The following MYO7B variants were observed in gnomAD, a reference collection of about 807,000 sequenced individuals.
MYO7B encodes unconventional myosin-VIIb.
In MYO7B, 212 loss-of-function variants were observed where a neutral mutation model predicts 259.7. The observed-to-expected ratio is 0.82, with a 90% confidence interval of 0.73 to 0.91. MYO7B has a LOEUF of 0.91. Among genes scored for constraint, MYO7B ranks in the 40% least tolerant of loss-of-function variants. MYO7B has a pLI of 0.00. For missense variants in MYO7B, 2,732 were observed against 2,813.5 expected, an observed-to-expected ratio of 0.97 and a Z score of 0.66; for synonymous variants, 1,197 against 1,166.4, an observed-to-expected ratio of 1.03 and a Z score of -0.54.
chr2:127,607,463 C>A lies in MYO7B; in HGVS notation c.2643+39C>A. On this transcript the variant is annotated intron_variant, in intron 21 of 47. Transcript: ENST00000409816. The surrounding 1 kb of genome is among the most constrained non-coding windows in gnomAD (Gnocchi z 4.4). Reference sequence around the variant, plus strand: ...TGGCCTCTTGGGCAGGTGGGGCTGGCTGGGGCCCCAGTGGGTGAGGGCAAG... The same window carrying A: ...TGGCCTCTTGGGCAGGTGGGGCTGGATGGGGCCCCAGTGGGTGAGGGCAAG... 1 of 1,536,736 alleles carries A rather than the reference C, an allele frequency of 6.5e-7. No homozygotes were observed. Among genetic ancestry groups the A allele is most frequent in the Non-Finnish European group, 8.8e-7 (1 of 1,136,752 alleles).
At chr2:127,583,909 C>T (rs537171247) in intron 12 of MYO7B, among the ~76,000 whole-genome samples, 4 of 152,206 alleles carry the variant, frequency 2.6e-5, no homozygotes, top group East Asian at 1.9e-4. Flanking sequence ...GTCTTTTTGA[C>T]GTGGGGTGGA....
chr2:127,632,547 C>G, intron 39 of MYO7B, 146 bp downstream of exon 39: 1 of 1,113,318 alleles, frequency 9.0e-7, no homozygotes, highest in Non-Finnish European at 1.2e-6. Flanking sequence ...GATTGGGCCC[C>G]GAGCTGCCAG....
chr2:127,544,305 C>T (rs911636550), intron 1 of MYO7B, among the ~76,000 whole-genome samples: 2 of 152,146 alleles, frequency 1.3e-5, no homozygotes, highest in African/African-American at 4.8e-5. Context: ...ATTTTTATTA[C>T]ATACTCATAT....
At chr2:127,592,662 G>A in intron 16 of MYO7B, 132 bp from the exon 17 acceptor site, 1 of 1,173,854 alleles carries the variant, frequency 8.5e-7, no homozygotes, top group East Asian at 2.6e-5. Flanking sequence ...GAGGACAGTG[G>A]GGGTGGGCGG....
chr2:127,588,788 T>G (rs1008549134), intron 15 of MYO7B, among the ~76,000 whole-genome samples: 32 of 18,496 alleles, frequency 1.7e-3, no homozygotes, highest in African/African-American at 2.3e-3. Context: ...GGGTGGTGGG[T>G]GGGTGGATGG....
In MYO7B at chr2:127,613,312, T is replaced by G. The variant is rs1264222242; in HGVS notation, c.3398+709T>G. 6.6e-6 allele frequency among the ~76,000 whole-genome samples: 1 copy of G among 152,224 alleles called. No homozygotes were observed. Among genetic ancestry groups the G allele is most frequent in the Non-Finnish European group, 1.5e-5 (1 of 68,044 alleles). On this transcript the variant is annotated intron_variant, in intron 26 of 47. Transcript: ENST00000409816. The surrounding 1 kb of genome is among the most constrained non-coding windows in gnomAD (Gnocchi z 4.3). Reference sequence around the variant, plus strand: ...TTAGATTGGATAGTTTCTATTGACCTGTCTTCAAATTTACTGATCTTTTGT... The same window carrying G: ...TTAGATTGGATAGTTTCTATTGACCGGTCTTCAAATTTACTGATCTTTTGT...
chr2:127,603,438 C>T (rs2105011882), intron 19 of MYO7B, among the ~76,000 whole-genome samples: 1 of 152,312 alleles, frequency 6.6e-6, no homozygotes, highest in African/African-American at 2.4e-5. Context: ...CATTAATCTC[C>T]TTGTATGTCT....
rs1679298069 is a variant in MYO7B at position 127,586,222 on chromosome 2, T to C, written c.1690+1309T>C. On this transcript the variant is annotated intron_variant, in intron 14 of 47. Transcript: ENST00000409816. This position sits in a 1 kb window ranked among gnomAD's most constrained non-coding sequence, Gnocchi z 4.8. ...AGGTCTTTGACCCATTTTGAGTTAATTTTGGGATATGTTGAGAGAGGATCG... is the reference window on the plus strand; with the variant it reads ...AGGTCTTTGACCCATTTTGAGTTAACTTTGGGATATGTTGAGAGAGGATCG... Among the ~76,000 whole-genome samples, 1 of 152,192 alleles carries C rather than the reference T, an allele frequency of 6.6e-6. No individual in the cohort carries two copies. Among genetic ancestry groups the C allele is most frequent in the Non-Finnish European group, 1.5e-5 (1 of 68,040 alleles).
At chr2:127,543,447 G>T (rs1375507301) in intron 1 of MYO7B, among the ~76,000 whole-genome samples, 1 of 152,184 alleles carries the variant, frequency 6.6e-6, no homozygotes, top group South Asian at 2.1e-4. Context: ...AGCATCTCAA[G>T]GTAGAAGAAT....
At position 127,637,338 on chromosome 2, in the gene MYO7B, T is replaced by G. The variant is rs1681905757; in HGVS notation, c.6350T>G (p.Leu2117Arg). The change falls in exon 48 of 48, where the codon CTG (leucine) becomes CGG (arginine). Residue 2117 changes from leucine to arginine, a missense_variant. Physicochemically the swap from Leu to Arg is moderately radical, Grantham distance 102. Coordinates refer to ENST00000409816, the MANE Select transcript of MYO7B (RefSeq NM_001393586.1). ...TSLGYKMDDL[L>R]TSYVQQLLSA... is the part of the protein sequence containing the mutation. ...CAGGGCTATAAGATGGATGACCTGC[T>G]GACCTCATATGTGCAGCAGCTCCTG... 2 of 1,592,182 alleles carry G rather than the reference T, an allele frequency of 1.3e-6. No individual in the cohort carries two copies. Among genetic ancestry groups the G allele is most frequent in the African/African-American group, 1.3e-5 (1 of 74,584 alleles).
At chr2:127,566,502 C>T in intron 4 of MYO7B, 141 bp from the exon 5 acceptor site, 1 of 754,798 alleles carries the variant, frequency 1.3e-6, no homozygotes. Context: ...CTCCCTGGCC[C>T]AGAATCAGAT....
rs1558858484 is a variant in MYO7B at position 127,636,679 on chromosome 2, G to A, written c.6207+51G>A. On this transcript the variant is annotated intron_variant, in intron 46 of 47. Transcript: ENST00000409816. This position sits in a 1 kb window ranked among gnomAD's most constrained non-coding sequence, Gnocchi z 4.5. Reference sequence around the variant, plus strand: ...TGGGGGCCACCAGGTCCAGGGACCTGTGCAGGTGGGGCTGCAGTCATCTCT... The same window carrying A: ...TGGGGGCCACCAGGTCCAGGGACCTATGCAGGTGGGGCTGCAGTCATCTCT... The A allele has an allele frequency of 2.6e-6, 4 of 1,558,724 alleles. No individual in the cohort carries two copies. The highest frequency in any genetic ancestry group is 1.1e-5 in the South Asian group (1 of 89,844).
At chr2:127,553,810 G>A (rs1167235736) in intron 1 of MYO7B, among the ~76,000 whole-genome samples, 1 of 152,154 alleles carries the variant, frequency 6.6e-6, no homozygotes, top group East Asian at 1.9e-4. Flanking sequence ...GAGGAGTGGT[G>A]AGAGTGGGAA....
intron 2 of MYO7B, among the ~76,000 whole-genome samples, chr2:127,561,136 G>A (rs1482098901): frequency 6.6e-6 from 1 of 152,074 alleles, no homozygotes; most frequent in Non-Finnish European, 1.5e-5. Flanking sequence ...ATGCATCAAC[G>A]CCAAATGTCC....
At chr2:127,556,224 C>T (rs569099034) in intron 1 of MYO7B, among the ~76,000 whole-genome samples, 1 of 152,300 alleles carries the variant, frequency 6.6e-6, no homozygotes, top group East Asian at 1.9e-4. Context: ...TACTCCTACT[C>T]ACGTTTGGTG....
intron 1 of MYO7B, among the ~76,000 whole-genome samples, chr2:127,549,633 C>T (rs887119565): frequency 1.3e-5 from 2 of 152,044 alleles, no homozygotes; most frequent in African/African-American, 2.4e-5. Flanking sequence ...GTTTGGGGAT[C>T]GAGGAGATGA....
chr2:127,595,396 T>G (rs1044167814), intron 18 of MYO7B, among the ~76,000 whole-genome samples: 6 of 152,194 alleles, frequency 3.9e-5, no homozygotes, highest in African/African-American at 1.4e-4. Context: ...TCTATCTATT[T>G]TATTAATTTT....
chr2:127,596,650 G>A (rs754712004), intron 19 of MYO7B, 94 bp downstream of exon 19: 22 of 1,029,018 alleles, frequency 2.1e-5, no homozygotes, highest in African/African-American at 6.4e-5. Flanking sequence ...ACATGTTCCC[G>A]CTGGGCCCTC....
In MYO7B at chr2:127,631,678, T is replaced by G; in HGVS notation, c.5174T>G (p.Leu1725Arg). ...TLELTDQIFTLALQHPALQDE... is the reference protein window; with the variant it reads ...TLELTDQIFTRALQHPALQDE... ...GAGCTCACCGACCAGATCTTCACAC[T>G]GGCCCTGCAGCACCCGGCCCTCCAG... Residue 1725 changes from leucine (L) to arginine (R), a missense_variant, in exon 38 of 48, where the codon CTG becomes CGG. Leu to Arg is a moderately radical substitution (Grantham distance 102). Around this residue, in one of 3 missense-constraint regions of MYO7B, gnomAD observed 821 missense variants for 769.3 expected, o/e 1.07. Coordinates refer to ENST00000409816, the MANE Select transcript of MYO7B (RefSeq NM_001393586.1). The G allele has an allele frequency of 1.2e-6, 2 of 1,613,044 alleles. No individual in the cohort carries two copies. Among genetic ancestry groups the G allele is most frequent in the Admixed American group, 3.3e-5 (2 of 60,014 alleles).
Sources: gnomAD v4.1 joint callset for allele counts (sites outside exome capture counted in the v4.1 genomes callset) on GRCh38, gnomAD v4.1.1 for gene constraint, gnomAD v4.1.1 regional missense constraint, Gnocchi (gnomAD v3.1) non-coding constraint, MANE v1.5 for transcripts, NCBI Gene and HGNC (gene_info 2026-07-23, HGNC 2026-07-21) for gene names.